The following MRPL48 variants were observed in gnomAD, a reference collection of about 807,000 sequenced individuals.
The protein encoded by MRPL48 is large ribosomal subunit protein mL48.
A neutral mutation model predicts 32.9 loss-of-function variants in MRPL48; 16 were observed. The ratio of observed to expected loss-of-function variants is 0.49; its 90% confidence interval spans 0.33 to 0.74. MRPL48 has a LOEUF of 0.74. MRPL48 is among the 30% of genes least tolerant of loss of function. The pLI is 0.02. For synonymous variants in MRPL48, 94 were observed against 89.2 expected (o/e 1.05, Z -0.31); for missense variants, 206 against 245.3 (o/e 0.84, Z 1.07).
intron 4 of MRPL48, among the ~76,000 whole-genome samples, chr11:73,829,099 T>C (rs1947950249): frequency 6.6e-6 from 1 of 152,180 alleles, no homozygotes; most frequent in Admixed American, 6.6e-5. Context: ...TGTCCCCACC[T>C]TCCTCTCCAG....
rs1947383458 is a variant in MRPL48, at chr11:73,802,838, C to T, written c.22-2189C>T. ...CCTCAGCCTCCTGAGTAGCTGGGAT[C>T]ACAGGTGTGCACCACCACGCCTGGC... On this transcript the variant is annotated intron_variant, in intron 1 of 7. Coordinates refer to ENST00000310614, the MANE Select transcript of MRPL48 (RefSeq NM_016055.6). Among the ~76,000 whole-genome samples, 4 of 151,862 alleles carry T rather than the reference C, an allele frequency of 2.6e-5. No homozygotes were observed. The South Asian group carries it at 8.4e-4, about 32-fold the overall frequency.
intron 1 of MRPL48, among the ~76,000 whole-genome samples, chr11:73,790,529 T>C (rs4548647): frequency 0.51 from 76,632 of 150,212 alleles, 20,759 homozygotes; most frequent in African/African-American, 0.71. Flanking sequence ...GGGCTACGGG[T>C]GCCCGCCACC....
At chr11:73,794,216 C>CTATCTATG (rs1181721823) in intron 1 of MRPL48, among the ~76,000 whole-genome samples, 3 of 150,470 alleles carry the variant, frequency 2.0e-5, no homozygotes, top group Non-Finnish European at 4.4e-5. Flanking sequence ...ATCTATCTAT[C>CTATCTATG]TATCTATCTA....
At chr11:73,816,286 CT>C (rs1317176791) in intron 3 of MRPL48, among the ~76,000 whole-genome samples, 1 of 148,870 alleles carries the variant, frequency 6.7e-6, no homozygotes, top group Non-Finnish European at 1.5e-5. Context: ...TGGTCTCGAT[CT>C]CCTGACCTCG....
intron 3 of MRPL48, among the ~76,000 whole-genome samples, chr11:73,822,519 A>G (rs1947801282): frequency 6.6e-6 from 1 of 152,204 alleles, no homozygotes; most frequent in South Asian, 2.1e-4. Context: ...GGATTAATGC[A>G]TATCGTGGAA....
chr11:73,797,246 C>G (rs1177173016), intron 1 of MRPL48, among the ~76,000 whole-genome samples: 1 of 152,192 alleles, frequency 6.6e-6, no homozygotes, highest in Non-Finnish European at 1.5e-5. Context: ...TTCTGCCACT[C>G]AATAAAGCTC....
At chr11:73,858,889 A>G (rs1367108309) in intron 5 of MRPL48, among the ~76,000 whole-genome samples, 2 of 152,260 alleles carry the variant, frequency 1.3e-5, no homozygotes, top group African/African-American at 4.8e-5. Flanking sequence ...GCTAATAAGT[A>G]GCAGGACCAA....
At chr11:73,851,159 G>T in intron 5 of MRPL48, 1 of 439,146 alleles carries the variant, frequency 2.3e-6, no homozygotes, top group Admixed American at 2.6e-5. Flanking sequence ...AGTAATTCCT[G>T]GAACTGGGCA....
At chr11:73,812,788 C>T (rs146162650) in intron 3 of MRPL48, among the ~76,000 whole-genome samples, 2,144 of 150,688 alleles carry the variant, frequency 0.014, 22 homozygotes, top group Non-Finnish European at 0.02. Flanking sequence ...CACGTTCTGT[C>T]ACCCAGGCTG....
rs778306580 is a variant in MRPL48, at chr11:73,844,855, A to G, written c.250A>G (p.Thr84Ala). The G allele has an allele frequency of 3.1e-6, 5 of 1,613,840 alleles. No individual in the cohort carries two copies. The highest frequency in any genetic ancestry group is 4.2e-6 in the Non-Finnish European group (5 of 1,179,858). The change falls in exon 5 of 8, where the codon ACA becomes GCA. Residue 84 changes from threonine to alanine, a missense_variant. Thr to Ala is a moderately conservative substitution (Grantham distance 58). Coordinates refer to ENST00000310614, the MANE Select transcript of MRPL48 (RefSeq NM_016055.6). ...KVEVRAINLG[T>A]DYEYGVLNIH... ...GGAAGTGAGAGCCATTAATTTGGGG[A>G]CAGATTATGAATATGGGGTTTTAAA...
At chr11:73,825,600 G>C (rs1947872568) in intron 3 of MRPL48, 108 bp from the exon 4 acceptor site, 1 of 944,488 alleles carries the variant, frequency 1.1e-6, no homozygotes, top group Non-Finnish European at 1.6e-6. Flanking sequence ...TGAGCTATGA[G>C]ATGGCATTAC....
intron 2 of MRPL48, among the ~76,000 whole-genome samples, chr11:73,808,109 A>C (rs1590943483): frequency 6.6e-6 from 1 of 152,314 alleles, no homozygotes; most frequent in East Asian, 1.9e-4. Context: ...ATGGATAGAG[A>C]CATCTTACTT....
intron 1 of MRPL48, among the ~76,000 whole-genome samples, chr11:73,793,233 T>A (rs932878157): frequency 6.6e-6 from 1 of 152,114 alleles, no homozygotes; most frequent in Non-Finnish European, 1.5e-5. Flanking sequence ...GCCCATCTAA[T>A]TTTGTATTTT....
chr11:73,799,005 A>AAG (rs1046069422), intron 1 of MRPL48, among the ~76,000 whole-genome samples: 16 of 151,502 alleles, frequency 1.1e-4, no homozygotes, highest in African/African-American at 3.6e-4. Context: ...AAAAAAAAAA[A>AAG]AAAGAAAGAA....
Position 73,853,932 on chromosome 11 carries a change from C to T in MRPL48, c.372-5975C>T, listed in dbSNP as rs568530576. Among the ~76,000 whole-genome samples the T allele has an allele frequency of 4.1e-4, 62 of 151,986 alleles. 1 individual carries two copies. Among genetic ancestry groups the T allele is most frequent in the South Asian group, 8.3e-4 (4 of 4,816 alleles). ...GTCTTGATCTCCTGACCTCGTGATC[C>T]GCCCACCTCGGCCTCCCAAAGTGCT... is the stretch of plus-strand genomic sequence containing the variant. On this transcript the variant is annotated intron_variant, in intron 5 of 7. Coordinates refer to ENST00000310614, the MANE Select transcript of MRPL48 (RefSeq NM_016055.6).
intron 4 of MRPL48, among the ~76,000 whole-genome samples, chr11:73,836,831 G>A (rs1016096404): frequency 5.9e-5 from 9 of 152,150 alleles, no homozygotes; most frequent in Admixed American, 5.9e-4. Flanking sequence ...GCCTAGAAAG[G>A]TCACACAGTG....
chr11:73,801,742 G>C (rs1175495964), intron 1 of MRPL48, among the ~76,000 whole-genome samples: 1 of 152,196 alleles, frequency 6.6e-6, no homozygotes, highest in African/African-American at 2.4e-5. Context: ...CTTTGGGTAG[G>C]TTACTTAATC....
chr11:73,824,308 G>A (rs1947844126), intron 3 of MRPL48, among the ~76,000 whole-genome samples: 1 of 152,050 alleles, frequency 6.6e-6, no homozygotes, highest in South Asian at 2.1e-4. Flanking sequence ...AAAACTGTAT[G>A]GCCGGGCGCG....
chr11:73,852,696 CA>C (rs1264639300), intron 5 of MRPL48, among the ~76,000 whole-genome samples: 3 of 152,046 alleles, frequency 2.0e-5, no homozygotes, highest in Non-Finnish European at 4.4e-5. Flanking sequence ...GGAAGTTCCT[CA>C]AAAAACTAAA....
Sources: gnomAD v4.1 joint callset for allele counts (sites outside exome capture counted in the v4.1 genomes callset) on GRCh38, gnomAD v4.1.1 for gene constraint, MANE v1.5 for transcripts, NCBI Gene and HGNC (gene_info 2026-07-23, HGNC 2026-07-21) for gene names.